STAG3: variants seen among roughly 807,000 people sequenced by gnomAD.
STAG3 encodes the protein cohesin subunit SA-3.
A neutral mutation model predicts 160.7 loss-of-function variants in STAG3; 101 were observed. The ratio of observed to expected loss-of-function variants is 0.63; its 90% CI spans 0.54 to 0.74. The LOEUF is 0.74. Ranked by LOEUF, STAG3 falls within the 30% of genes least tolerant of loss-of-function variation. The pLI is 0.00. For missense variants in STAG3, 1,188 were observed against 1,517.4 expected, an observed-to-expected ratio of 0.78 and a Z score of 3.61; for synonymous variants, 519 against 585.0, an observed-to-expected ratio of 0.89 and a Z score of 1.63.
chr7:100,203,968 C>T, intron 25 of STAG3, 53 bp from the exon 26 acceptor site: 1 of 1,284,204 alleles, frequency 7.8e-7, no homozygotes, highest in Middle Eastern at 1.8e-4. Context: ...AGGAAGAAAC[C>T]AAATGGTCTT....
downstream of STAG3, among the ~76,000 whole-genome samples, chr7:100,217,176 GT>G (rs556292234): frequency 1.3e-5 from 2 of 152,358 alleles, no homozygotes; most frequent in South Asian, 2.1e-4. Context: ...GTCTTAAAAG[GT>G]TAGAATGTTT....
chr7:100,213,431 C>T, intron 32 of STAG3: 1 of 985,434 alleles, frequency 1.0e-6, no homozygotes, highest in Non-Finnish European at 1.2e-6. Flanking sequence ...AACAATGATA[C>T]CTTCAAACCA....
At chr7:100,178,434 AT>A (rs1198968645) in intron 1 of STAG3, among the ~76,000 whole-genome samples, 4 of 151,062 alleles carry the variant, frequency 2.6e-5, no homozygotes, top group Admixed American at 6.6e-5. Context: ...GTCTTCTTGT[AT>A]TTTTTTTCTT....
At chr7:100,216,746 A>C (rs1802783949), downstream of STAG3, among the ~76,000 whole-genome samples, 2 of 151,930 alleles carry the variant, frequency 1.3e-5, no homozygotes, top group African/African-American at 4.8e-5. Context: ...GGTTGCAGTG[A>C]GCCGACCCAG....
chr7:100,213,955 C>T, intron 33 of STAG3, 52 bp from the exon 34 acceptor site: 1 of 1,614,046 alleles, frequency 6.2e-7, no homozygotes, highest in Non-Finnish European at 8.5e-7. Flanking sequence ...GATGGTCTGC[C>T]CATTGGCCCG....
Position 100,186,331 on chromosome 7 carries a change from C to T in STAG3, c.433+35C>T, listed in dbSNP as rs927571942. ...CTGCTCCCCCTTTCTAATTCCCAGC[C>T]TTTTGTTCCTATGTTATGAAATTCT... On this transcript the variant is annotated intron_variant, in intron 5 of 33. Coordinates refer to ENST00000615138, the MANE Select transcript of STAG3 (RefSeq NM_001282717.2). 5.9e-6 allele frequency: 9 copies of T among 1,536,918 alleles called. No homozygotes were observed. The African/African-American group carries it at 9.6e-5, about 16-fold the overall frequency.
downstream of STAG3, among the ~76,000 whole-genome samples, chr7:100,216,035 T>C (rs1204398896): frequency 1.3e-5 from 2 of 152,192 alleles, no homozygotes; most frequent in African/African-American, 4.8e-5. Context: ...CCAACATCCA[T>C]GTTGGCTGCC....
chr7:100,192,240 C>T (rs1275620233), intron 8 of STAG3, among the ~76,000 whole-genome samples: 1 of 152,150 alleles, frequency 6.6e-6, no homozygotes, highest in Non-Finnish European at 1.5e-5. Flanking sequence ...AATGGTGAAT[C>T]CCGGCCAGGC....
downstream of STAG3, among the ~76,000 whole-genome samples, chr7:100,216,984 A>AG (rs1287391564): frequency 1.3e-5 from 2 of 152,024 alleles, no homozygotes; most frequent in Non-Finnish European, 2.9e-5. Context: ...TGCTCTCATG[A>AG]GGACAGGCAT....
At chr7:100,204,975 T>C (rs1419859348) in intron 27 of STAG3, 30 bp from the exon 28 acceptor site, 1 of 1,608,042 alleles carries the variant, frequency 6.2e-7, no homozygotes. Flanking sequence ...GGAAGAGACT[T>C]TCTTCCTAAA....
In STAG3 at chr7:100,189,054, A is replaced by T. The variant is rs770476595; in HGVS notation, c.715+38A>T. On this transcript the variant is annotated intron_variant, in intron 7 of 33. Coordinates refer to ENST00000615138, the MANE Select transcript of STAG3 (RefSeq NM_001282717.2). The stretch of plus-strand genomic sequence containing the variant: ...TTTTACTCTGGACATTCTCCTGGGG[A>T]TTTATAGGACTTTCCTCTGTTCTCT... The T allele has an allele frequency of 1.6e-5, 26 of 1,607,168 alleles. No individual in the cohort carries two copies. In the Admixed American group the frequency reaches 4.2e-4, roughly 26 times the overall value.
chr7:100,208,199 T>A (rs1801843172), intron 29 of STAG3, among the ~76,000 whole-genome samples: 1 of 152,180 alleles, frequency 6.6e-6, no homozygotes, highest in Non-Finnish European at 1.5e-5. Flanking sequence ...TAGTGTGAGA[T>A]GAGGTGTGAT....
intron 16 of STAG3, 23 bp from the exon 17 acceptor site, chr7:100,200,213 C>T (rs1252976881): frequency 6.3e-7 from 1 of 1,596,530 alleles, no homozygotes; most frequent in African/African-American, 1.3e-5. Flanking sequence ...ACCTCCCCCA[C>T]CCCCAAGTGA....
At chr7:100,198,037 T>A (rs1800803573) in intron 11 of STAG3, 50 bp from the exon 12 acceptor site, 1 of 1,594,446 alleles carries the variant, frequency 6.3e-7, no homozygotes, top group South Asian at 1.1e-5. Flanking sequence ...GAGAACAGAA[T>A]GTTTGGAATG....
chr7:100,198,942 C>T lies in STAG3; in HGVS notation c.1452C>T (p.Phe484=). ...CTTTCTTCCAGCTTCTGCTGTCCTT[C>T]TTTGTGGAGAGCGAGGTGACATACA... ...QRTFFQLLLS[F]FVESELHDHA... Residue 484 remains phenylalanine, a synonymous_variant, in exon 14 of 34, where the codon TTC becomes TTT. Coordinates refer to ENST00000615138, the MANE Select transcript of STAG3 (RefSeq NM_001282717.2). The T allele has an allele frequency of 6.2e-7, 1 of 1,612,090 alleles. No homozygotes were observed. Among genetic ancestry groups the T allele is most frequent in the Non-Finnish European group, 8.5e-7 (1 of 1,179,912 alleles).
rs905758628 is a variant in STAG3, at chr7:100,177,974, T to G, written c.-96T>G. ...CAGCGGCGGGCGCCTGTGTGGAAGG[T>G]GGGGTGGCCAGAGACACCCGAGGGA... On this transcript the variant is annotated 5_prime_UTR_variant, in exon 1 of 34. Transcript: ENST00000615138. The G allele has an allele frequency of 2.0e-5, 3 of 152,368 alleles. No individual in the cohort carries two copies. The highest frequency in any genetic ancestry group is 2.9e-5 in the Non-Finnish European group (2 of 68,178). The allele number at this position is 152,368 out of a possible 1,614,324, so 9.4% of individuals were successfully genotyped here. A position where few individuals can be genotyped will look rare whatever the true frequency, so the allele number is the denominator to read the frequency against.
downstream of STAG3, chr7:100,218,996 C>T (rs1464441258): frequency 1.9e-5 from 3 of 155,666 alleles, no homozygotes; most frequent in Non-Finnish European, 2.8e-5. Flanking sequence ...GATAGATAAA[C>T]CCAGGGCGTT....
chr7:100,186,241 G>C lies in STAG3; in HGVS notation c.378G>C (p.Gln126His). The C allele has an allele frequency of 6.2e-7, 1 of 1,614,128 alleles. No individual in the cohort carries two copies. Among genetic ancestry groups the C allele is most frequent in the Non-Finnish European group, 8.5e-7 (1 of 1,180,016 alleles). The change falls in exon 5 of 34, where the codon CAG (glutamine) becomes CAC (histidine). Residue 126 changes from glutamine (Q) to histidine (H), a missense_variant. Gln to His is a conservative substitution (Grantham distance 24). Transcript: ENST00000615138. ...GGCTGGATAGCTACAAGCAAGACCA[G>C]GATGCAGGATTTCTGGAGCTTGTTA... ...DEWLDSYKQD[Q>H]DAGFLELVNF...
At chr7:100,190,011 C>T (rs1349070892) in intron 8 of STAG3, among the ~76,000 whole-genome samples, 1 of 152,096 alleles carries the variant, frequency 6.6e-6, no homozygotes, top group Non-Finnish European at 1.5e-5. Flanking sequence ...GAAAACAGGC[C>T]TCCCAGTGAA....
Sources: gnomAD v4.1 joint callset for allele counts (sites outside exome capture counted in the v4.1 genomes callset) on GRCh38, gnomAD v4.1.1 for gene constraint, MANE v1.5 for transcripts, NCBI Gene and HGNC (gene_info 2026-07-23, HGNC 2026-07-21) for gene names.